Variants in COBL observed in about 807,000 individuals in gnomAD.
COBL encodes protein cordon-bleu.
A neutral mutation model predicts 98.8 loss-of-function variants in COBL; 51 were observed. That is an observed-to-expected ratio of 0.52 (90% CI 0.41 to 0.65). The LOEUF is 0.65. COBL is among the 30% of genes least tolerant of loss of function. The pLI is 0.00. For synonymous variants in COBL, 634 were observed against 651.7 expected (o/e 0.97, Z 0.41); for missense variants, 1,617 against 1,617.5 (o/e 1.00, Z 0.01).
intron 6 of COBL, among the ~76,000 whole-genome samples, chr7:51,098,074 C>T (rs1394555962): frequency 2.0e-5 from 3 of 148,170 alleles, no homozygotes; most frequent in Admixed American, 6.7e-5. Flanking sequence ...ATAAAAAAGA[C>T]TTGCACACTG....
At position 51,239,529 on chromosome 7, in the gene COBL, A is replaced by C. The variant is rs117934966; in HGVS notation, c.42-19585T>G. ...CACATAATCAAGAAATAATCATAAA[A>C]ATGGCCAACCAGGACTCGCGCTACT... On this transcript the variant is annotated intron_variant, in intron 1 of 12. Transcript: ENST00000265136. Among the ~76,000 whole-genome samples, 1,219 of 152,278 alleles carry C rather than the reference A, an allele frequency of 8.0e-3. 58 individuals are homozygous for C. The South Asian group carries it at 0.13, about 17-fold the overall frequency.
At chr7:51,020,733 C>T (rs1003873701) in intron 12 of COBL, among the ~76,000 whole-genome samples, 29 of 152,124 alleles carry the variant, frequency 1.9e-4, no homozygotes, top group African/African-American at 6.8e-4. Context: ...CACATGCAGC[C>T]GAGCTGCAAA....
chr7:51,067,130 TGG>T (rs1211241331), intron 7 of COBL, among the ~76,000 whole-genome samples: 1 of 151,568 alleles, frequency 6.6e-6, no homozygotes, highest in Non-Finnish European at 1.5e-5. Context: ...GGCGTGGGGG[TGG>T]GGAAGCATAC....
At chr7:51,190,416 A>G (rs1023784174) in intron 4 of COBL, among the ~76,000 whole-genome samples, 3 of 151,866 alleles carry the variant, frequency 2.0e-5, no homozygotes, top group African/African-American at 4.8e-5. Context: ...GGGTCTCACT[A>G]TTTTGTCCAG....
intron 7 of COBL, among the ~76,000 whole-genome samples, chr7:51,068,907 T>G (rs962192280): frequency 6.6e-6 from 1 of 152,230 alleles, no homozygotes; most frequent in East Asian, 1.9e-4. Context: ...TGAACTTAAG[T>G]AACTCACTCT....
chr7:51,173,097 C>A (rs1414711187), intron 5 of COBL, among the ~76,000 whole-genome samples: 1 of 152,028 alleles, frequency 6.6e-6, no homozygotes, highest in Non-Finnish European at 1.5e-5. Context: ...CAAAAATATG[C>A]AATTTTAAAA....
chr7:51,205,632 G>GT (rs1002329815), intron 2 of COBL, among the ~76,000 whole-genome samples: 1 of 133,570 alleles, frequency 7.5e-6, no homozygotes, highest in African/African-American at 2.8e-5. Flanking sequence ...GTTTGTTTTT[G>GT]TTTTTTGGTT....
chr7:51,312,571 T>C (rs976877158), intron 1 of COBL, among the ~76,000 whole-genome samples: 4 of 152,128 alleles, frequency 2.6e-5, no homozygotes, highest in Non-Finnish European at 5.9e-5. Context: ...CTTATTACGG[T>C]GTATAGATGC....
chr7:51,133,519 C>T (rs1460785959), intron 6 of COBL, among the ~76,000 whole-genome samples: 1 of 152,182 alleles, frequency 6.6e-6, no homozygotes, highest in Non-Finnish European at 1.5e-5. Context: ...AGGCCCCATC[C>T]AGACCTACTG....
At chr7:51,128,744 G>A (rs563702235) in intron 6 of COBL, among the ~76,000 whole-genome samples, 79 of 152,258 alleles carry the variant, frequency 5.2e-4, no homozygotes, top group Non-Finnish European at 3.1e-4. Flanking sequence ...ATAAGACAGT[G>A]CTGTGCCATG....
rs1584332947 is a variant in COBL, at chr7:51,259,485, C to G, written c.42-39541G>C. 8.3e-6 allele frequency: 5 copies of G among 601,844 alleles called. No homozygotes were observed. The East Asian group carries it at 1.3e-4, about 16-fold the overall frequency. 37.3% of individuals were successfully genotyped at this position (601,844 alleles called of 1,614,324 possible). On this transcript the variant is annotated intron_variant, in intron 1 of 12. Coordinates refer to ENST00000265136, the MANE Select transcript of COBL (RefSeq NM_015198.5). Reference sequence around the variant, plus strand: ...TGTTCACCCCGACAGCCAGGTGGGGCCCATCTCCTTGAGGAAACCCACTCT... The same window carrying G: ...TGTTCACCCCGACAGCCAGGTGGGGGCCATCTCCTTGAGGAAACCCACTCT...
At chr7:51,092,806 T>C (rs941016265) in intron 6 of COBL, among the ~76,000 whole-genome samples, 11 of 152,330 alleles carry the variant, frequency 7.2e-5, no homozygotes, top group South Asian at 4.1e-4. Flanking sequence ...TTCTATTTCT[T>C]TGAAAAAAGA....
chr7:51,203,110 G>A (rs971084803), intron 2 of COBL, among the ~76,000 whole-genome samples: 1 of 151,610 alleles, frequency 6.6e-6, no homozygotes, highest in South Asian at 2.1e-4. Flanking sequence ...ACACTTCAGG[G>A]AACAAGAATA....
At chr7:51,270,211 T>C (rs1389363125) in intron 1 of COBL, among the ~76,000 whole-genome samples, 2 of 152,032 alleles carry the variant, frequency 1.3e-5, no homozygotes, top group African/African-American at 4.8e-5. Context: ...AAGAGGGAAA[T>C]AGAAGATGTT....
intron 6 of COBL, among the ~76,000 whole-genome samples, chr7:51,096,328 TA>T (rs1242409626): frequency 2.0e-5 from 3 of 151,642 alleles, no homozygotes; most frequent in Non-Finnish European, 4.4e-5. Context: ...CAAATGAAAA[TA>T]AAACCATAAT....
At chr7:51,092,093 C>T (rs1265404978) in intron 6 of COBL, among the ~76,000 whole-genome samples, 4 of 152,144 alleles carry the variant, frequency 2.6e-5, no homozygotes, top group East Asian at 3.8e-4. Context: ...TGAGTGGCCA[C>T]GTTAGATTCT....
At chr7:51,025,515 A>AT (rs1787463357) in intron 11 of COBL, 143 bp from the exon 12 acceptor site, 1 of 783,582 alleles carries the variant, frequency 1.3e-6, no homozygotes, top group Non-Finnish European at 2.0e-6. Context: ...CATGAATGGG[A>AT]TTAGTGCTCT....
At chr7:51,175,328 G>T (rs1054010588) in intron 5 of COBL, among the ~76,000 whole-genome samples, 1 of 152,214 alleles carries the variant, frequency 6.6e-6, no homozygotes, top group African/African-American at 2.4e-5. Flanking sequence ...ACCAAAAGGT[G>T]CATGAACGTG....
At chr7:51,124,873 T>A (rs1798064190) in intron 6 of COBL, among the ~76,000 whole-genome samples, 1 of 152,172 alleles carries the variant, frequency 6.6e-6, no homozygotes, top group African/African-American at 2.4e-5. Context: ...TAGGCTAGAG[T>A]GCAGCGGCGT....
Sources: gnomAD v4.1 joint callset for allele counts (sites outside exome capture counted in the v4.1 genomes callset) on GRCh38, gnomAD v4.1.1 for gene constraint, MANE v1.5 for transcripts, NCBI Gene and HGNC (gene_info 2026-07-23, HGNC 2026-07-21) for gene names.